The following CDH4 variants were observed in gnomAD, a reference collection of about 807,000 sequenced individuals.
CDH4 encodes cadherin 4.
In CDH4, 33 loss-of-function variants were observed where a neutral mutation model predicts 86.0. The observed-to-expected ratio is 0.38, with a 90% confidence interval of 0.29 to 0.51. The LOEUF is 0.51. CDH4 is among the 20% of genes least tolerant of loss of function. The probability of loss-of-function intolerance (pLI) is 0.86; values close to 1 mark genes in which losing one functional copy is unlikely to be tolerated. For synonymous variants in CDH4, 555 were observed against 549.4 expected (o/e 1.01, Z -0.14); for missense variants, 1,114 against 1,307.4 (o/e 0.85, Z 2.28).
chr20:61,889,559 TG>T, intron 7 of CDH4, among the ~76,000 whole-genome samples: 2 of 131,156 alleles, frequency 1.5e-5, no homozygotes, highest in Non-Finnish European at 3.2e-5. Flanking sequence ...GGATGATGGA[TG>T]GGTAGATGGA....
At chr20:61,619,292 C>T (rs771372858) in intron 2 of CDH4, among the ~76,000 whole-genome samples, 22 of 152,208 alleles carry the variant, frequency 1.4e-4, no homozygotes, top group South Asian at 4.1e-4. Flanking sequence ...CTTCCACCTC[C>T]GCGTGCCCCC....
chr20:61,419,216 G>A (rs62199125), intron 2 of CDH4, among the ~76,000 whole-genome samples: 9,633 of 152,156 alleles, frequency 0.063, 459 homozygotes, highest in Non-Finnish European at 0.093. Flanking sequence ...CTCGTTCCCC[G>A]CAGCAGGTGC....
At chr20:61,539,695 C>G (rs2086024736) in intron 2 of CDH4, among the ~76,000 whole-genome samples, 1 of 152,232 alleles carries the variant, frequency 6.6e-6, no homozygotes, top group Non-Finnish European at 1.5e-5. Flanking sequence ...CTGCCCTGGG[C>G]AGTGGTCCGC....
Position 61,684,431 on chromosome 20 carries a change from A to C in CDH4, c.170-59132A>C, listed in dbSNP as rs1462641964. 6.6e-6 allele frequency among the ~76,000 whole-genome samples: 1 copy of C among 152,208 alleles called. No homozygotes were observed. Among genetic ancestry groups the C allele is most frequent in the East Asian group, 1.9e-4 (1 of 5,184 alleles). On this transcript the variant is annotated intron_variant, in intron 2 of 15. Coordinates refer to ENST00000614565, the MANE Select transcript of CDH4 (RefSeq NM_001794.5). This position sits in a 1 kb window ranked among gnomAD's most constrained non-coding sequence, Gnocchi z 4.5. ...TCTGATGTTAACCAAGCCAAAATGC[A>C]GGGGCAGGGACATCTCAGGACCTTT...
rs1411266759 is a variant in CDH4, at chr20:61,754,749, ACCACACACACAGTGCATG to A, written c.396+10971_396+10988del. ...TGCACGCCCCGCACACACTATGCACACCACACACACAGTGCATGCCACACACACCACACACACACTGCA... is the reference window on the plus strand; with the variant it reads ...TGCACGCCCCGCACACACTATGCACACCACACACACCACACACACACTGCA... On this transcript the variant is annotated intron_variant, in intron 3 of 15. Transcript: ENST00000614565. This position sits in a 1 kb window ranked among gnomAD's most constrained non-coding sequence, Gnocchi z 4.7. 6.7e-6 allele frequency among the ~76,000 whole-genome samples: 1 copy of A among 148,476 alleles called. No homozygotes were observed. Among genetic ancestry groups the A allele is most frequent in the African/African-American group, 2.5e-5 (1 of 40,006 alleles).
chr20:61,292,641 A>G (rs1205282313), intron 2 of CDH4, among the ~76,000 whole-genome samples: 1 of 152,260 alleles, frequency 6.6e-6, no homozygotes, highest in African/African-American at 2.4e-5. Context: ...AGCTGCCAAC[A>G]GCACTGAGCC....
intron 2 of CDH4, among the ~76,000 whole-genome samples, chr20:61,618,302 C>T (rs1177478842): frequency 1.3e-5 from 2 of 152,038 alleles, no homozygotes; most frequent in Admixed American, 1.3e-4. Context: ...GGGAGTCTGG[C>T]CTCCCATCCC....
intron 2 of CDH4, among the ~76,000 whole-genome samples, chr20:61,412,547 G>A (rs2085124993): frequency 6.6e-6 from 1 of 152,174 alleles, no homozygotes; most frequent in South Asian, 2.1e-4. Context: ...GAAACAGAGA[G>A]GTGGAGGAGG....
chr20:61,774,631 A>G (rs955006096), intron 4 of CDH4, among the ~76,000 whole-genome samples: 11 of 152,146 alleles, frequency 7.2e-5, no homozygotes, highest in Non-Finnish European at 2.9e-5. Flanking sequence ...TCACCTAGGT[A>G]TTAAGCCCAG....
At chr20:61,378,838 A>G (rs2084885236) in intron 2 of CDH4, among the ~76,000 whole-genome samples, 2 of 152,200 alleles carry the variant, frequency 1.3e-5, no homozygotes, top group Admixed American at 1.3e-4. Flanking sequence ...TAGCCCAGAA[A>G]GGTCCCTTCA....
chr20:61,871,911 C>T (rs1394346472), intron 6 of CDH4, among the ~76,000 whole-genome samples: 6 of 152,224 alleles, frequency 3.9e-5, no homozygotes, highest in Non-Finnish European at 8.8e-5. Context: ...AAGCTGAAAG[C>T]TGAAGCAAAC....
intron 7 of CDH4, among the ~76,000 whole-genome samples, chr20:61,887,829 G>A (rs372003433): frequency 2.0e-5 from 3 of 152,196 alleles, no homozygotes; most frequent in Admixed American, 1.3e-4. Flanking sequence ...GCCATGCTGC[G>A]GGAGGAGGCA....
chr20:61,739,772 G>C (rs2088310811), intron 2 of CDH4, among the ~76,000 whole-genome samples: 1 of 152,246 alleles, frequency 6.6e-6, no homozygotes, highest in Non-Finnish European at 1.5e-5. Context: ...CAGACAGCAG[G>C]CCGCTCCCGG....
chr20:61,298,307 C>T (rs1410855498), intron 2 of CDH4, among the ~76,000 whole-genome samples: 3 of 152,128 alleles, frequency 2.0e-5, no homozygotes, highest in Admixed American at 6.5e-5. Flanking sequence ...GTGTAATTCT[C>T]GGGGATTAGA....
intron 2 of CDH4, among the ~76,000 whole-genome samples, chr20:61,363,009 A>G (rs2084792756): frequency 6.6e-6 from 1 of 152,120 alleles, no homozygotes; most frequent in Non-Finnish European, 1.5e-5. Context: ...GAGAGTTGAA[A>G]AGTGGCTCTG....
chr20:61,700,591 G>A (rs1278610432), intron 2 of CDH4, among the ~76,000 whole-genome samples: 1 of 152,242 alleles, frequency 6.6e-6, no homozygotes, highest in Non-Finnish European at 1.5e-5. Flanking sequence ...TGCCTGGTCA[G>A]TGAAAGAATG....
chr20:61,820,419 C>T (rs1158440068), intron 4 of CDH4, among the ~76,000 whole-genome samples: 3 of 152,258 alleles, frequency 2.0e-5, no homozygotes, highest in African/African-American at 7.2e-5. Flanking sequence ...ACCTGCCCAC[C>T]TCAAGGCCTT....
chr20:61,401,988 G>A (rs2085052161), intron 2 of CDH4, among the ~76,000 whole-genome samples: 1 of 152,222 alleles, frequency 6.6e-6, no homozygotes, highest in African/African-American at 2.4e-5. Flanking sequence ...GGTGTATCAC[G>A]GAGGCCAGCA....
chr20:61,884,702 G>T (rs951810009), intron 7 of CDH4, among the ~76,000 whole-genome samples: 1 of 152,186 alleles, frequency 6.6e-6, no homozygotes, highest in African/African-American at 2.4e-5. Context: ...GGGGGCGGCT[G>T]CTGCTAGTTC....
Sources: gnomAD v4.1 joint callset for allele counts (sites outside exome capture counted in the v4.1 genomes callset) on GRCh38, gnomAD v4.1.1 for gene constraint, Gnocchi (gnomAD v3.1) non-coding constraint, MANE v1.5 for transcripts, NCBI Gene and HGNC (gene_info 2026-07-23, HGNC 2026-07-21) for gene names.